PTPN23: variants seen among roughly 807,000 people sequenced by gnomAD.
PTPN23 encodes the protein protein tyrosine phosphatase non-receptor type 23, also known as tyrosine-protein phosphatase non-receptor type 23.
PTPN23 carries 72 observed loss-of-function variants against 156.3 expected under a neutral mutation model. The ratio of observed to expected loss-of-function variants is 0.46; its 90% CI spans 0.38 to 0.56. The LOEUF (loss-of-function observed/expected upper bound fraction) is 0.56. PTPN23 is among the 20% of genes least tolerant of loss of function. The pLI is 0.00. For missense variants in PTPN23, 1,974 were observed against 2,171.5 expected, an observed-to-expected ratio of 0.91 and a Z score of 1.81; for synonymous variants, 957 against 899.6, an observed-to-expected ratio of 1.06 and a Z score of -1.14.
intron 1 of PTPN23, 67 bp downstream of exon 1, chr3:47,381,247 C>T: frequency 2.6e-6 from 4 of 1,539,068 alleles, no homozygotes; most frequent in Non-Finnish European, 3.5e-6. Flanking sequence ...CGCGTGACGC[C>T]CCCCTGCGCG....
rs370971952 is a variant in PTPN23, at chr3:47,409,973, G to A, written c.2175G>A (p.Pro725=). 40 of 1,582,676 alleles carry A rather than the reference G, an allele frequency of 2.5e-5. No homozygotes were observed. Among genetic ancestry groups the A allele is most frequent in the Middle Eastern group, 3.4e-4 (2 of 5,878 alleles). The part of the protein sequence containing the change: ...KPPPRPTAPK[P]LLPRREESEA... ...CGCCACGGCCCACAGCCCCAAAGCC[G>A]CTGCTGCCCCGCAGGGAGGAGAGTG... Residue 725 remains proline, a synonymous_variant, in exon 20 of 25, where the codon CCG becomes CCA. Coordinates refer to ENST00000265562, the MANE Select transcript of PTPN23 (RefSeq NM_015466.4).
chr3:47,394,635 G>A (rs540618280), intron 1 of PTPN23, among the ~76,000 whole-genome samples: 6 of 152,260 alleles, frequency 3.9e-5, no homozygotes, highest in African/African-American at 9.6e-5. Flanking sequence ...CACCTCACCC[G>A]GCCAGGAACA....
chr3:47,409,268 A>G lies in PTPN23; in HGVS notation c.1748A>G (p.Lys583Arg), dbSNP rs147293860. 1.7e-4 allele frequency: 274 copies of G among 1,614,040 alleles called. No homozygotes were observed. The highest frequency in any genetic ancestry group is 2.3e-4 in the Non-Finnish European group (267 of 1,180,046). The change falls in exon 17 of 25, where the codon AAA becomes AGA. Residue 583 changes from lysine to arginine, a missense_variant. This residue lies in a region of PTPN23 where 726 missense variants were observed against 929.5 expected (regional missense o/e 0.78). Coordinates refer to ENST00000265562, the MANE Select transcript of PTPN23 (RefSeq NM_015466.4). ...LEQQLRELIQKDDITASLVTT... is the reference protein window; with the variant it reads ...LEQQLRELIQRDDITASLVTT... ...CAGCAGCTGCGTGAGCTTATCCAGA[A>G]AGATGACATCACTGCCTCGCTGGTC...
chr3:47,402,114 T>C (rs1029278472), intron 2 of PTPN23, among the ~76,000 whole-genome samples: 45 of 152,164 alleles, frequency 3.0e-4, no homozygotes, highest in African/African-American at 1.0e-3. Flanking sequence ...TATTGTTTGC[T>C]TTTCTGTTTG....
At chr3:47,399,879 A>G (rs964672001) in intron 2 of PTPN23, among the ~76,000 whole-genome samples, 9 of 152,110 alleles carry the variant, frequency 5.9e-5, no homozygotes, top group Admixed American at 1.3e-4. Context: ...GGTGCAGTCT[A>G]TCTTGGCTCA....
At chr3:47,381,796 T>C (rs1287029652) in intron 1 of PTPN23, among the ~76,000 whole-genome samples, 6 of 152,180 alleles carry the variant, frequency 3.9e-5, no homozygotes, top group African/African-American at 1.4e-4. Context: ...GGTTACTGCT[T>C]TTCGTAACCG....
At chr3:47,404,288 C>T (rs564865963) in intron 2 of PTPN23, among the ~76,000 whole-genome samples, 3 of 152,104 alleles carry the variant, frequency 2.0e-5, no homozygotes, top group African/African-American at 7.2e-5. Flanking sequence ...CAAAATTAGC[C>T]AGGCATGGTG....
intron 2 of PTPN23, among the ~76,000 whole-genome samples, chr3:47,398,489 C>T (rs1406209653): frequency 6.6e-6 from 1 of 151,914 alleles, no homozygotes; most frequent in Non-Finnish European, 1.5e-5. Context: ...CCGGGATTTG[C>T]TGGGTTTTTT....
chr3:47,399,282 C>T (rs968451775), intron 2 of PTPN23, among the ~76,000 whole-genome samples: 5 of 151,968 alleles, frequency 3.3e-5, no homozygotes, highest in Non-Finnish European at 5.9e-5. Context: ...CTGAAATTGA[C>T]CAAAATTAAT....
chr3:47,404,798 G>A lies in PTPN23; in HGVS notation c.287+19G>A, dbSNP rs1229281345. ...TCACCTGGTGAGAGCCGCAGGCAGG[G>A]CTGGAGGATCCCACGGGGAGTCTGG... is the stretch of plus-strand genomic sequence containing the variant. On this transcript the variant is annotated intron_variant, in intron 3 of 24. Coordinates refer to ENST00000265562, the MANE Select transcript of PTPN23 (RefSeq NM_015466.4). The A allele has an allele frequency of 8.1e-6, 13 of 1,611,692 alleles. No homozygotes were observed. Among genetic ancestry groups the A allele is most frequent in the Admixed American group, 6.7e-5 (4 of 59,718 alleles).
chr3:47,410,691 C>T lies in PTPN23; in HGVS notation c.2893C>T (p.Gln965Ter). The change falls in exon 20 of 25, where the codon CAA becomes TAA. Residue 965 changes from glutamine to a stop codon, truncating the protein, a stop_gained. Transcript: ENST00000265562. LOFTEE classifies it high-confidence loss of function. ...PQPHPQPHPS[Q>*]AFGPQPPQQP... ...GCCCCATCCTCAGCCCCATCCTTCA[C>T]AAGCGTTTGGGCCTCAGCCCCCACA... The T allele has an allele frequency of 6.2e-7, 1 of 1,607,114 alleles. No individual in the cohort carries two copies. The highest frequency in any genetic ancestry group is 8.5e-7 in the Non-Finnish European group (1 of 1,177,264).
rs963795996 is a variant in PTPN23 at position 47,410,975 on chromosome 3, C to T, written c.3177C>T (p.Pro1059=). The T allele has an allele frequency of 1.2e-6, 2 of 1,608,356 alleles. No homozygotes were observed. The highest frequency in any genetic ancestry group is 1.7e-6 in the Non-Finnish European group (2 of 1,176,946). The part of the protein sequence containing the change: ...LAYGPAPSTR[P]MGPQAAPLTI... ...ATGGTCCTGCCCCTTCTACCAGACC[C>T]ATGGGCCCCCAGGCAGCCCCTCTTA... Residue 1059 remains proline, a synonymous_variant, in exon 20 of 25, where the codon CCC becomes CCT. Transcript: ENST00000265562.
intron 2 of PTPN23, among the ~76,000 whole-genome samples, chr3:47,399,076 A>G (rs995705228): frequency 2.6e-5 from 4 of 152,238 alleles, no homozygotes; most frequent in Non-Finnish European, 5.9e-5. Context: ...AGAGGTGAAG[A>G]AGCTTACAGC....
intron 1 of PTPN23, 149 bp downstream of exon 1, chr3:47,381,329 C>G (rs1466945078): frequency 1.8e-6 from 2 of 1,127,448 alleles, no homozygotes; most frequent in African/African-American, 3.1e-5. Flanking sequence ...TTTCCTCAGC[C>G]TGTCCCACAC....
chr3:47,381,205 C>G (rs372341130), intron 1 of PTPN23, 25 bp downstream of exon 1: 85 of 1,561,850 alleles, frequency 5.4e-5, no homozygotes, highest in Middle Eastern at 1.7e-4. Flanking sequence ...CATCTTCCCC[C>G]CTATCCGCCG....
chr3:47,412,327 C>A lies in PTPN23; in HGVS notation c.4223C>A (p.Ala1408Asp). ...GGAGCCTTTGCACTGCTCTATGCAGCTGTGCAGGAGGTGGAGGCTGGGAAC... is the reference window on the plus strand; with the variant it reads ...GGAGCCTTTGCACTGCTCTATGCAGATGTGCAGGAGGTGGAGGCTGGGAAC... ...RTGAFALLYA[A>D]VQEVEAGNGI... is the part of the protein sequence containing the mutation. Residue 1408 changes from alanine to aspartate, a missense_variant, in exon 23 of 25, where the codon GCT becomes GAT. Coordinates refer to ENST00000265562, the MANE Select transcript of PTPN23 (RefSeq NM_015466.4). 6.2e-7 allele frequency: 1 copy of A among 1,613,414 alleles called. No individual in the cohort carries two copies. Among genetic ancestry groups the A allele is most frequent in the Non-Finnish European group, 8.5e-7 (1 of 1,180,026 alleles).
chr3:47,382,830 A>G (rs1485067153), intron 1 of PTPN23, among the ~76,000 whole-genome samples: 14 of 151,468 alleles, frequency 9.2e-5, no homozygotes, highest in African/African-American at 3.4e-4. Flanking sequence ...CTGGGACTAC[A>G]GGCACCCGCC....
chr3:47,410,325 G>T lies in PTPN23; in HGVS notation c.2527G>T (p.Val843Leu). 6.2e-7 allele frequency: 1 copy of T among 1,606,252 alleles called. No homozygotes were observed. The highest frequency in any genetic ancestry group is 8.5e-7 in the Non-Finnish European group (1 of 1,176,196). The change falls in exon 20 of 25, where the codon GTG (valine) becomes TTG (leucine). Residue 843 changes from valine to leucine, a missense_variant. This residue lies in a region of PTPN23 where 731 missense variants were observed against 669.1 expected (regional missense o/e 1.09). Coordinates refer to ENST00000265562, the MANE Select transcript of PTPN23 (RefSeq NM_015466.4). The part of the protein sequence containing the change: ...LVPRSSPQHG[V>L]VSSPYVGVGP... ...GCCCCGATCCTCCCCACAGCATGGC[G>T]TGGTGAGCAGTCCCTATGTGGGGGT... is the stretch of plus-strand genomic sequence containing the variant.
chr3:47,400,690 C>T (rs1314033924), intron 2 of PTPN23, among the ~76,000 whole-genome samples: 1 of 152,158 alleles, frequency 6.6e-6, no homozygotes, highest in Non-Finnish European at 1.5e-5. Context: ...TCTCCTGCCT[C>T]AGCCTCCCGA....
Sources: gnomAD v4.1 joint callset for allele counts (sites outside exome capture counted in the v4.1 genomes callset) on GRCh38, gnomAD v4.1.1 for gene constraint, gnomAD v4.1.1 regional missense constraint, MANE v1.5 for transcripts, NCBI Gene and HGNC (gene_info 2026-07-23, HGNC 2026-07-21) for gene names.